PEX3: variants seen among roughly 807,000 people sequenced by gnomAD.
PEX3 encodes the protein peroxisomal biogenesis factor 3.
PEX3 carries 30 observed loss-of-function variants against 55.8 expected under a neutral mutation model. The ratio of observed to expected loss-of-function variants is 0.54; its 90% CI spans 0.40 to 0.73. PEX3 has a LOEUF of 0.73. Among genes scored for constraint, PEX3 ranks in the 30% least tolerant of loss-of-function variants. The probability of loss-of-function intolerance (pLI) is 0.00; values close to 1 mark genes in which losing one functional copy is unlikely to be tolerated. For synonymous variants in PEX3, 135 were observed against 148.4 expected (o/e 0.91, Z 0.66); for missense variants, 351 against 432.8 (o/e 0.81, Z 1.68).
chr6:143,451,147 G>A lies in PEX3; in HGVS notation c.73+32G>A, dbSNP rs778196755. The A allele has an allele frequency of 5.5e-6, 8 of 1,444,214 alleles. 1 individual carries two copies. In the South Asian group the frequency reaches 6.8e-5, roughly 12 times the overall value. 89.5% of individuals were successfully genotyped at this position (1,444,214 alleles called of 1,614,324 possible). ...GACAACGTGCTTGAAAGGGGGCATT[G>A]GGAGAAGGGGGTGGGAGAGGTGACT... On this transcript the variant is annotated intron_variant, in intron 1 of 11. Coordinates refer to ENST00000367591, the MANE Select transcript of PEX3 (RefSeq NM_003630.3). This position sits in a 1 kb window ranked among gnomAD's most constrained non-coding sequence, Gnocchi z 4.1.
rs2128745920 is a variant in PEX3 at position 143,463,649 on chromosome 6, G to T, written c.287+652G>T. ...TTTGATGACAATGATGGGAGGGTGG[G>T]CAGGGAAATGGTTTCACTAAATAAA... On this transcript the variant is annotated intron_variant, in intron 3 of 11. Coordinates refer to ENST00000367591, the MANE Select transcript of PEX3 (RefSeq NM_003630.3). The surrounding 1 kb of genome is among the most constrained non-coding windows in gnomAD (Gnocchi z 5.7). Among the ~76,000 whole-genome samples the T allele has an allele frequency of 6.6e-6, 1 of 151,322 alleles. No individual in the cohort carries two copies. The highest frequency in any genetic ancestry group is 1.9e-4 in the East Asian group (1 of 5,140).
Position 143,490,532 on chromosome 6 carries a change from A to G in PEX3, c.*1306A>G, listed in dbSNP as rs1359467264. On this transcript the variant is annotated 3_prime_UTR_variant, in exon 12 of 12. Coordinates refer to ENST00000367591, the MANE Select transcript of PEX3 (RefSeq NM_003630.3). This position sits in a 1 kb window ranked among gnomAD's most constrained non-coding sequence, Gnocchi z 6.0. ...AGCAGAAGATGGCTGTGCCACTCAC[A>G]TATGCTAATCTTGGCAAATCTGCCA... 10 of 384,068 alleles carry G rather than the reference A, an allele frequency of 2.6e-5. No individual in the cohort carries two copies. The highest frequency in any genetic ancestry group is 3.8e-5 in the Non-Finnish European group (8 of 211,348). The allele number at this position is 384,068 out of a possible 1,614,324, so 23.8% of individuals were successfully genotyped here. A position where few individuals can be genotyped will look rare whatever the true frequency, so the allele number is the denominator to read the frequency against.
chr6:143,467,157 G>A (rs752741507), intron 3 of PEX3, among the ~76,000 whole-genome samples: 9 of 152,082 alleles, frequency 5.9e-5, no homozygotes, highest in Admixed American at 2.6e-4. Context: ...TTTACACTGA[G>A]ACTGTTGTGT....
At chr6:143,474,704 CTTTA>C (rs1477578441) in intron 8 of PEX3, 78 bp from the exon 9 acceptor site, 2 of 819,958 alleles carry the variant, frequency 2.4e-6, no homozygotes, top group East Asian at 2.4e-5. Context: ...TTCCTAAACT[CTTTA>C]TTTATGAATG....
Position 143,471,025 on chromosome 6 carries a change from G to C in PEX3, c.396G>C (p.Gln132His), listed in dbSNP as rs1484027885. 6.2e-7 allele frequency: 1 copy of C among 1,612,734 alleles called. No individual in the cohort carries two copies. Among genetic ancestry groups the C allele is most frequent in the South Asian group, 1.1e-5 (1 of 91,068 alleles). The change falls in exon 5 of 12, where the codon CAG (glutamine) becomes CAC (histidine). Residue 132 changes from glutamine to histidine, a missense_variant. Coordinates refer to ENST00000367591, the MANE Select transcript of PEX3 (RefSeq NM_003630.3). The surrounding 1 kb of genome is among the most constrained non-coding windows in gnomAD (Gnocchi z 5.4). ...TCMLVVLLRV[Q>H]LNIIGGYIYL... ...TGCTGGTTGTTCTTTTGCGGGTCCA[G>C]TTAAACATAATTGGTGGATATATTT...
chr6:143,473,461 A>G (rs1368151148), intron 8 of PEX3, among the ~76,000 whole-genome samples: 3 of 152,222 alleles, frequency 2.0e-5, no homozygotes, highest in Non-Finnish European at 4.4e-5. Flanking sequence ...AAAAGAAAAC[A>G]AAAGAACAGA....
Position 143,462,910 on chromosome 6 carries a change from T to C in PEX3, c.206-6T>C, listed in dbSNP as rs774116523. 1 of 1,610,016 alleles carries C rather than the reference T, an allele frequency of 6.2e-7. No homozygotes were observed. The highest frequency in any genetic ancestry group is 8.5e-7 in the Non-Finnish European group (1 of 1,176,288). ...ACCTTTTTTATTTTTTTTGTTTGTA[T>C]TACAGTGCTGTCCATGCTTCCAACA... On this transcript the variant is annotated splice_polypyrimidine_tract_variant and splice_region_variant and intron_variant, in intron 2 of 11. Transcript: ENST00000367591. This position sits in a 1 kb window ranked among gnomAD's most constrained non-coding sequence, Gnocchi z 4.1.
rs553147969 is a variant in PEX3 at position 143,458,688 on chromosome 6, A to G, written c.74-397A>G. On this transcript the variant is annotated intron_variant, in intron 1 of 11. Transcript: ENST00000367591. This position sits in a 1 kb window ranked among gnomAD's most constrained non-coding sequence, Gnocchi z 6.1. ...TTTATCACCTAACAGTATAACATGG[A>G]TATTTCCTTGAGTCATTATTTAGCA... Among the ~76,000 whole-genome samples the G allele has an allele frequency of 1.3e-5, 2 of 152,300 alleles. No individual in the cohort carries two copies. The highest frequency in any genetic ancestry group is 6.5e-5 in the Admixed American group (1 of 15,298).
chr6:143,459,328 G>C lies in PEX3; in HGVS notation c.205+112G>C, dbSNP rs545908578. 49 of 890,032 alleles carry C rather than the reference G, an allele frequency of 5.5e-5. No individual in the cohort carries two copies. The Admixed American group carries it at 8.8e-4, about 16-fold the overall frequency. The allele number at this position is 890,032 out of a possible 1,614,324, so 55.1% of individuals were successfully genotyped here. A position where few individuals can be genotyped will look rare whatever the true frequency, so the allele number is the denominator to read the frequency against. On this transcript the variant is annotated intron_variant, in intron 2 of 11. Coordinates refer to ENST00000367591, the MANE Select transcript of PEX3 (RefSeq NM_003630.3). This position sits in a 1 kb window ranked among gnomAD's most constrained non-coding sequence, Gnocchi z 4.2. ...AGGCAAAGAAAAGATGGTAAATCTA[G>C]CAAGTGTTTGAATGATTTAACTGAA...
At position 143,486,052 on chromosome 6, in the gene PEX3, G is replaced by A. The variant is rs929008071; in HGVS notation, c.1038+804G>A. ...CTGTAGACTTTTTACTCTTGGGAAC[G>A]TGGAGAGCACTGAGACTAAGAGTTC... is the stretch of plus-strand genomic sequence containing the variant. On this transcript the variant is annotated intron_variant, in intron 11 of 11. Transcript: ENST00000367591. The surrounding 1 kb of genome is among the most constrained non-coding windows in gnomAD (Gnocchi z 5.0). Among the ~76,000 whole-genome samples, 9 of 152,066 alleles carry A rather than the reference G, an allele frequency of 5.9e-5. No homozygotes were observed. In the South Asian group the frequency reaches 1.4e-3, roughly 24 times the overall value.
rs571904805 is a variant in PEX3, at chr6:143,487,427, T to A, written c.1039-1716T>A. On this transcript the variant is annotated intron_variant, in intron 11 of 11. Transcript: ENST00000367591. The surrounding 1 kb of genome is among the most constrained non-coding windows in gnomAD (Gnocchi z 5.3). Reference sequence around the variant, plus strand: ...CACTACAATGGTAGTATTTCTCAGATTTGTCCATACACCTCACATACATAT... The same window carrying A: ...CACTACAATGGTAGTATTTCTCAGAATTGTCCATACACCTCACATACATAT... Among the ~76,000 whole-genome samples, 32 of 152,224 alleles carry A rather than the reference T, an allele frequency of 2.1e-4. No individual in the cohort carries two copies. The highest frequency in any genetic ancestry group is 7.7e-4 in the African/African-American group (32 of 41,560).
intron 1 of PEX3, among the ~76,000 whole-genome samples, chr6:143,452,917 G>A (rs771701206): frequency 2.6e-5 from 4 of 152,084 alleles, no homozygotes; most frequent in Admixed American, 1.3e-4. Context: ...CCCACTTTAC[G>A]CTGGGCATTG....
In PEX3 at chr6:143,462,979, C is replaced by G; in HGVS notation, c.269C>G (p.Thr90Arg). Residue 90 changes from threonine to arginine, a missense_variant, in exon 3 of 12, where the codon ACA becomes AGA. Physicochemically the swap from Thr to Arg is moderately conservative, Grantham distance 71. Transcript: ENST00000367591. This position sits in a 1 kb window ranked among gnomAD's most constrained non-coding sequence, Gnocchi z 4.1. Reference protein sequence around the residue: ...LMQQLNSESLTALLKNRPSNK... With the variant: ...LMQQLNSESLRALLKNRPSNK... ...CAGCAACTGAATTCCGAGAGCCTCA[C>G]AGCTCTGCTAAAAAACAGGTAAATG... The G allele has an allele frequency of 6.2e-7, 1 of 1,613,010 alleles. No individual in the cohort carries two copies. Among genetic ancestry groups the G allele is most frequent in the Non-Finnish European group, 8.5e-7 (1 of 1,179,038 alleles).
chr6:143,467,849 A>G (rs929010051), intron 3 of PEX3, among the ~76,000 whole-genome samples: 4 of 152,150 alleles, frequency 2.6e-5, no homozygotes, highest in African/African-American at 9.6e-5. Flanking sequence ...AGAAAGAAAT[A>G]TTTCCTCTGC....
At chr6:143,456,276 G>A (rs1195895610) in intron 1 of PEX3, among the ~76,000 whole-genome samples, 1 of 152,146 alleles carries the variant, frequency 6.6e-6, no homozygotes, top group Admixed American at 6.5e-5. Context: ...GCTGCCAGTC[G>A]AGTATATAGA....
intron 8 of PEX3, 126 bp downstream of exon 8, chr6:143,472,454 G>A: frequency 1.4e-6 from 1 of 703,362 alleles, no homozygotes. Flanking sequence ...TTCAGTAATT[G>A]AAGTAAAACC....
chr6:143,479,355 G>A lies in PEX3; in HGVS notation c.941+157G>A, dbSNP rs1780199832. Among the ~76,000 whole-genome samples, 1 of 152,022 alleles carries A rather than the reference G, an allele frequency of 6.6e-6. No homozygotes were observed. The highest frequency in any genetic ancestry group is 1.5e-5 in the Non-Finnish European group (1 of 67,948). On this transcript the variant is annotated intron_variant, in intron 10 of 11. Coordinates refer to ENST00000367591, the MANE Select transcript of PEX3 (RefSeq NM_003630.3). The surrounding 1 kb of genome is among the most constrained non-coding windows in gnomAD (Gnocchi z 4.6). ...TGTTAAACCAACAACTTCTTCACTA[G>A]CAGAAGCTCCTTCTTGGTTTCAGTA...
At chr6:143,477,487 C>T (rs1018634244) in intron 9 of PEX3, among the ~76,000 whole-genome samples, 1 of 152,076 alleles carries the variant, frequency 6.6e-6, no homozygotes, top group South Asian at 2.1e-4. Context: ...GAATGAGATT[C>T]AATACACAGT....
rs1472430169 is a variant in PEX3, at chr6:143,475,859, T to C, written c.818+1003T>C. On this transcript the variant is annotated intron_variant, in intron 9 of 11. Coordinates refer to ENST00000367591, the MANE Select transcript of PEX3 (RefSeq NM_003630.3). This position sits in a 1 kb window ranked among gnomAD's most constrained non-coding sequence, Gnocchi z 4.4. ...ACACTTCATAGATAGAAATAATTTG[T>C]TCATTCACTTAATTCATTTATCTCA... Among the ~76,000 whole-genome samples, 1 of 152,246 alleles carries C rather than the reference T, an allele frequency of 6.6e-6. No homozygotes were observed. The highest frequency in any genetic ancestry group is 1.5e-5 in the Non-Finnish European group (1 of 68,042).
Sources: gnomAD v4.1 joint callset for allele counts (sites outside exome capture counted in the v4.1 genomes callset) on GRCh38, gnomAD v4.1.1 for gene constraint, Gnocchi (gnomAD v3.1) non-coding constraint, MANE v1.5 for transcripts, NCBI Gene and HGNC (gene_info 2026-07-23, HGNC 2026-07-21) for gene names.